MSH6: variants seen among roughly 807,000 people sequenced by gnomAD.
MSH6 encodes DNA mismatch repair protein Msh6.
In MSH6, 85 loss-of-function variants were observed where a neutral mutation model predicts 119.1. The observed-to-expected ratio is 0.71, with a 90% CI of 0.60 to 0.85. The LOEUF (loss-of-function observed/expected upper bound fraction) is 0.85, where lower values mean the gene tolerates loss of function less well. Ranked by LOEUF, MSH6 falls within the 40% of genes least tolerant of loss-of-function variation. The pLI, the probability that MSH6 is intolerant of heterozygous loss-of-function variation, is 0.00. For missense variants in MSH6, 2,163 were observed against 1,655.3 expected, an observed-to-expected ratio of 1.31 and a Z score of -5.32; for synonymous variants, 830 against 586.9, an observed-to-expected ratio of 1.41 and a Z score of -5.99.
chr2:47,787,266 G>T (rs562851647), intron 1 of MSH6, among the ~76,000 whole-genome samples: 5 of 152,006 alleles, frequency 3.3e-5, no homozygotes, highest in African/African-American at 1.2e-4. Flanking sequence ...CTCCAGCCTG[G>T]GTGGCAGAGT....
At chr2:47,805,763 ATAAC>A in intron 7 of MSH6, 56 bp downstream of exon 7, 1 of 1,279,350 alleles carries the variant, frequency 7.8e-7, no homozygotes, top group Non-Finnish European at 1.1e-6. Context: ...ATTTGTACAA[ATAAC>A]TATTTTTATA....
chr2:47,789,399 T>C (rs1327849040), intron 1 of MSH6: 1 of 459,470 alleles, frequency 2.2e-6, no homozygotes, highest in East Asian at 6.3e-5. Context: ...GATCCAGCTT[T>C]TCACACAAAC....
chr2:47,791,154 TTG>T lies in MSH6; in HGVS notation c.457+52_457+53del, dbSNP rs397839804. 0.034 allele frequency: 38,248 copies of T among 1,120,584 alleles called. 231 individuals carry two copies. The highest frequency in any genetic ancestry group is 0.095 in the African/African-American group (6,229 of 65,836). The allele number at this position is 1,120,584 out of a possible 1,614,324, so 69.4% of individuals were successfully genotyped here. ...AGTCACTACTGCCATGTGTGTGTGTTTGTGTGTGTGTGTGTGTGTGTGAGAGA... is the reference window on the plus strand; with the variant it reads ...AGTCACTACTGCCATGTGTGTGTGTTTGTGTGTGTGTGTGTGTGTGAGAGA... On this transcript the variant is annotated intron_variant, in intron 2 of 9. Coordinates refer to ENST00000234420, the MANE Select transcript of MSH6 (RefSeq NM_000179.3).
At chr2:47,783,921 G>GT in intron 1 of MSH6, 1 of 830,518 alleles carries the variant, frequency 1.2e-6, no homozygotes, top group East Asian at 1.1e-4. Flanking sequence ...GGGGTGGCGG[G>GT]AAGGAGGAAT....
chr2:47,809,681 C>A (rs1273313586), downstream of MSH6: 2 of 1,613,338 alleles, frequency 1.2e-6, no homozygotes, highest in Non-Finnish European at 8.5e-7. Context: ...TCTAGTGTTG[C>A]AGTTGCGTGA....
chr2:47,783,885 C>T (rs1327908627), intron 1 of MSH6: 9 of 995,460 alleles, frequency 9.0e-6, no homozygotes, highest in Non-Finnish European at 9.5e-6. Context: ...AGGCGCCCGG[C>T]CCACTTGGTG....
rs1553412397 is a variant in MSH6, at chr2:47,798,956, C to G, written c.973C>G (p.Gln325Glu). 3.7e-6 allele frequency: 6 copies of G among 1,614,086 alleles called. No homozygotes were observed. The highest frequency in any genetic ancestry group is 1.7e-5 in the Admixed American group (1 of 60,006). The change falls in exon 4 of 10, where the codon CAA becomes GAA. Residue 325 changes from glutamine to glutamate, a missense_variant. Transcript: ENST00000234420. ...GAAGGAAACGCCCTCAGCCACCAAA[C>G]AAGCAACTAGCATTTCATCAGAAAC... ...SRKETPSATK[Q>E]ATSISSETKN...
Position 47,798,626 on chromosome 2 carries a change from G to A in MSH6, c.643G>A (p.Val215Ile), listed in dbSNP as rs145959653. The A allele has an allele frequency of 1.7e-5, 27 of 1,610,906 alleles. No homozygotes were observed. Among genetic ancestry groups the A allele is most frequent in the African/African-American group, 1.3e-4 (10 of 75,020 alleles). ...TGCCTGGCAGGTAGGCACAACTTAC[G>A]TAACAGATAAGAGTGAAGAAGATAA... The part of the protein sequence containing the change: ...EEEMEVGTTY[V>I]TDKSEEDNEI... Residue 215 changes from valine to isoleucine, a missense_variant, in exon 4 of 10, where the codon GTA becomes ATA. Transcript: ENST00000234420.
intron 3 of MSH6, 140 bp from the exon 4 acceptor site, chr2:47,798,471 C>A: frequency 1.2e-6 from 1 of 822,396 alleles, no homozygotes; most frequent in Non-Finnish European, 1.9e-6. Flanking sequence ...TCATGTAATT[C>A]ATCGAATACT....
chr2:47,800,354 C>T lies in MSH6; in HGVS notation c.2371C>T (p.Arg791Cys), dbSNP rs749918474. Residue 791 changes from arginine (R) to cysteine (C), a missense_variant, in exon 4 of 10, where the codon CGT becomes TGT. Physicochemically the swap from Arg to Cys is radical, Grantham distance 180. Transcript: ENST00000234420. ...PLCNHYAIND[R>C]LDAIEDLMVV... The stretch of plus-strand genomic sequence containing the variant: ...CTGTAACCATTATGCTATTAATGAT[C>T]GTCTAGATGCCATAGAAGACCTCAT... 3.1e-6 allele frequency: 5 copies of T among 1,613,978 alleles called. No homozygotes were observed. Among genetic ancestry groups the T allele is most frequent in the South Asian group, 2.2e-5 (2 of 91,054 alleles).
chr2:47,798,153 T>A, intron 3 of MSH6: 1 of 173,510 alleles, frequency 5.8e-6, no homozygotes, highest in South Asian at 1.3e-4. Flanking sequence ...ATTGTTTTAA[T>A]GTCAAGTGAA....
intron 7 of MSH6, 111 bp downstream of exon 7, chr2:47,805,818 T>C (rs1356091200): frequency 3.4e-6 from 3 of 889,844 alleles, no homozygotes; most frequent in Non-Finnish European, 5.6e-6. Context: ...TGAATGTTTT[T>C]AGAGCACGCA....
At position 47,799,554 on chromosome 2, in the gene MSH6, A is replaced by C. The variant is rs1669346323; in HGVS notation, c.1571A>C (p.Tyr524Ser). Reference protein sequence around the residue: ...CRIITKGTQTYSVLEGDPSEN... With the variant: ...CRIITKGTQTSSVLEGDPSEN... ...ATCATTACCAAGGGTACACAGACTTACAGTGTGCTGGAAGGTGATCCCTCT... is the reference window on the plus strand; with the variant it reads ...ATCATTACCAAGGGTACACAGACTTCCAGTGTGCTGGAAGGTGATCCCTCT... The change falls in exon 4 of 10, where the codon TAC (tyrosine) becomes TCC (serine). Residue 524 changes from tyrosine to serine, a missense_variant. Transcript: ENST00000234420. 1 of 1,614,202 alleles carries C rather than the reference A, an allele frequency of 6.2e-7. No individual in the cohort carries two copies. Among genetic ancestry groups the C allele is most frequent in the Non-Finnish European group, 8.5e-7 (1 of 1,180,014 alleles).
Position 47,800,270 on chromosome 2 carries a change from G to T in MSH6, c.2287G>T (p.Asp763Tyr), listed in dbSNP as rs1558664969. The change falls in exon 4 of 10, where the codon GAT (aspartate) becomes TAT (tyrosine). Residue 763 changes from aspartate to tyrosine, a missense_variant. By Grantham distance (160) the Asp-to-Tyr change is radical (BLOSUM62 -3). Transcript: ENST00000234420. ...STEGTLLERV[D>Y]TCHTPFGKRL... ...TGAAGGAACCCTACTAGAGAGGGTT[G>T]ATACTTGCCATACTCCTTTTGGTAA... 1 of 1,614,156 alleles carries T rather than the reference G, an allele frequency of 6.2e-7. No homozygotes were observed. Among genetic ancestry groups the T allele is most frequent in the East Asian group, 2.2e-5 (1 of 44,868 alleles).
rs1670239026 is a variant in MSH6, at chr2:47,806,906, A to G, written c.*46A>G. On this transcript the variant is annotated 3_prime_UTR_variant, in exon 10 of 10. Transcript: ENST00000234420. ...TGAGTTGACTTCTGACAAAGGTGGT[A>G]AATTCAGACAACATTATGATCTAAT... is the stretch of plus-strand genomic sequence containing the variant. 1 of 1,336,172 alleles carries G rather than the reference A, an allele frequency of 7.5e-7. No homozygotes were observed. 82.8% of individuals were successfully genotyped at this position (1,336,172 alleles called of 1,614,324 possible).
intron 1 of MSH6, chr2:47,783,706 T>C (rs1301962972): frequency 1.9e-6 from 1 of 525,470 alleles, no homozygotes; most frequent in Non-Finnish European, 3.1e-6. Context: ...GGAGAGAGGC[T>C]GTGCAGGAAG....
intron 3 of MSH6, among the ~76,000 whole-genome samples, chr2:47,797,499 T>C (rs1238438272): frequency 6.6e-6 from 1 of 152,214 alleles, no homozygotes; most frequent in Non-Finnish European, 1.5e-5. Context: ...CAGCCAATTG[T>C]GGAAGAGCAA....
At chr2:47,793,632 TA>T (rs1474212469) in intron 2 of MSH6, among the ~76,000 whole-genome samples, 9 of 149,858 alleles carry the variant, frequency 6.0e-5, no homozygotes, top group Non-Finnish European at 8.9e-5. Context: ...AATAAATAAA[TA>T]AAATAAAATA....
chr2:47,808,042 A>G (rs756579538), downstream of MSH6: 13 of 1,340,834 alleles, frequency 9.7e-6, no homozygotes, highest in East Asian at 2.3e-5. Context: ...ATGGGCAAAT[A>G]TTTTAAATCT....
Sources: allele counts gnomAD v4.1 joint callset (sites outside exome capture counted in the v4.1 genomes callset), GRCh38; gene constraint gnomAD v4.1.1; transcripts MANE v1.5; gene names NCBI Gene and HGNC (gene_info 2026-07-23, HGNC 2026-07-21).